Variants in TRPA1 observed in about 807,000 individuals in gnomAD.
TRPA1 encodes the protein ankyrin-like with transmembrane domains 1.
TRPA1 carries 129 observed loss-of-function variants against 131.3 expected under a neutral mutation model. The observed-to-expected ratio is 0.98, with a 90% CI of 0.85 to 1.14. TRPA1 has a LOEUF of 1.14. Among genes scored for constraint, TRPA1 ranks in the 50% most tolerant of loss-of-function variants. The pLI is 0.00. For missense variants in TRPA1, 1,304 were observed against 1,354.2 expected, an observed-to-expected ratio of 0.96 and a Z score of 0.58; for synonymous variants, 441 against 451.7, an observed-to-expected ratio of 0.98 and a Z score of 0.30.
chr8:72,088,197 C>G, the TRPA1 span, among the ~76,000 whole-genome samples: 1 of 152,200 alleles, frequency 6.6e-6, no homozygotes, highest in Non-Finnish European at 1.5e-5. Flanking sequence ...TTCACTCTTC[C>G]CATCACAGCA....
intron 20 of TRPA1, 24 bp from the exon 21 acceptor site, chr8:72,036,481 T>C: frequency 6.2e-7 from 1 of 1,601,258 alleles, no homozygotes; most frequent in Non-Finnish European, 8.6e-7. Flanking sequence ...GAATAAAAAA[T>C]TACCACATAT....
At position 72,038,010 on chromosome 8, in the gene TRPA1, G is replaced by A; in HGVS notation, c.2358C>T (p.Cys786=). The change falls in exon 20 of 27, where the codon TGC becomes TGT. Residue 786 remains cysteine, a synonymous_variant. Transcript: ENST00000262209. ...LVFLSSIFGY[C]KEAGQIFQQK... is the part of the protein sequence containing the mutation. ...GTTGGAAAATTTGCCCCGCTTCTTTGCAATACCCAAATATACTTGATAAAA... is the reference window on the plus strand; with the variant it reads ...GTTGGAAAATTTGCCCCGCTTCTTTACAATACCCAAATATACTTGATAAAA... 6.2e-7 allele frequency: 1 copy of A among 1,601,344 alleles called. No individual in the cohort carries two copies. Among genetic ancestry groups the A allele is most frequent in the Non-Finnish European group, 8.5e-7 (1 of 1,169,626 alleles).
In TRPA1 at chr8:72,055,831, T is replaced by C; in HGVS notation, c.1219A>G (p.Met407Val). 3 of 1,613,154 alleles carry C rather than the reference T, an allele frequency of 1.9e-6. No individual in the cohort carries two copies. Among genetic ancestry groups the C allele is most frequent in the South Asian group, 1.1e-5 (1 of 91,022 alleles). Residue 407 changes from methionine to valine, a missense_variant, in exon 11 of 27, where the codon ATG becomes GTG. By Grantham distance (21) the Met-to-Val change is conservative. Transcript: ENST00000262209. ...GTACACCCATCGTTGTCTTCATCCATTACCAGCTCTTTGATCTGTTGCATC... is the reference window on the plus strand; with the variant it reads ...GTACACCCATCGTTGTCTTCATCCACTACCAGCTCTTTGATCTGTTGCATC... Reference protein sequence around the residue: ...MQMQQIKELVMDEDNDGCTPL... With the variant: ...MQMQQIKELVVDEDNDGCTPL...
intron 17 of TRPA1, among the ~76,000 whole-genome samples, chr8:72,041,866 CA>C (rs1477798841): frequency 6.6e-6 from 1 of 151,010 alleles, no homozygotes; most frequent in African/African-American, 2.4e-5. Flanking sequence ...ATGATTAGAG[CA>C]GAGATAAATG....
At chr8:72,035,069 T>C (rs976070621) in intron 21 of TRPA1, among the ~76,000 whole-genome samples, 1 of 152,190 alleles carries the variant, frequency 6.6e-6, no homozygotes, top group Non-Finnish European at 1.5e-5. Flanking sequence ...ATCCTCACCA[T>C]CTCCTTCGGT....
At chr8:72,057,894 T>G in intron 8 of TRPA1, 78 bp from the exon 9 acceptor site, 3 of 1,043,964 alleles carry the variant, frequency 2.9e-6, no homozygotes, top group Non-Finnish European at 4.4e-6. Context: ...TAACTAATGG[T>G]AATTCATTGA....
At chr8:72,078,787 C>T (rs1806235274), upstream of TRPA1, among the ~76,000 whole-genome samples, 1 of 152,002 alleles carries the variant, frequency 6.6e-6, no homozygotes, top group Admixed American at 6.6e-5. Context: ...AGTGGATTTG[C>T]TGAGTAATGT....
intron 17 of TRPA1, among the ~76,000 whole-genome samples, chr8:72,041,920 A>G (rs1339972509): frequency 6.6e-6 from 1 of 151,884 alleles, no homozygotes; most frequent in Admixed American, 6.6e-5. Context: ...CAATGAAACC[A>G]AGAATTGGTT....
At chr8:72,087,378 T>A in the TRPA1 span, among the ~76,000 whole-genome samples, 4 of 152,160 alleles carry the variant, frequency 2.6e-5, no homozygotes, top group South Asian at 8.3e-4. Flanking sequence ...GAAACTGAAG[T>A]ATGCCGTTGG....
intron 18 of TRPA1, 34 bp downstream of exon 18, chr8:72,039,693 C>G (rs776089325): frequency 7.7e-7 from 1 of 1,297,738 alleles, no homozygotes; most frequent in Non-Finnish European, 1.1e-6. Context: ...CCAATAGACA[C>G]AGCATTAAAC....
At chr8:72,052,448 A>T in intron 14 of TRPA1, 151 bp downstream of exon 14, 1 of 890,494 alleles carries the variant, frequency 1.1e-6, no homozygotes, top group South Asian at 1.6e-5. Context: ...AATAAAAAAT[A>T]AAAAACCTTT....
intron 25 of TRPA1, among the ~76,000 whole-genome samples, chr8:72,025,651 C>T (rs574419309): frequency 3.9e-5 from 6 of 152,218 alleles, no homozygotes; most frequent in Middle Eastern, 6.8e-3. Flanking sequence ...ATAAAGTATA[C>T]CTGTACTGTA....
At position 72,022,765 on chromosome 8, in the gene TRPA1, C is replaced by T. The variant is rs77546732; in HGVS notation, c.*141G>A. On this transcript the variant is annotated 3_prime_UTR_variant, in exon 27 of 27. Transcript: ENST00000262209. ...TGAATAGAGGATAAAAGATGGTTTA[C>T]TTTTATACAGCATGCAGGAACCATG... 2 of 802,454 alleles carry T rather than the reference C, an allele frequency of 2.5e-6. No homozygotes were observed. The highest frequency in any genetic ancestry group is 2.0e-5 in the Admixed American group (1 of 49,718). The allele number at this position is 802,454 out of a possible 1,614,324, so 49.7% of individuals were successfully genotyped here.
chr8:72,057,722 G>T lies in TRPA1; in HGVS notation c.1088C>A (p.Ser363Tyr), dbSNP rs761121092. The change falls in exon 9 of 27, where the codon TCT becomes TAT. Residue 363 changes from serine (S) to tyrosine (Y), a missense_variant. Coordinates refer to ENST00000262209, the MANE Select transcript of TRPA1 (RefSeq NM_007332.3). ...GGCTTGTTCCCTCTTGGTACCTTTA[G>T]AGAGTAGCAAATTTACAATATTCCA... Reference protein sequence around the residue: ...ASWNIVNLLLSKGAQVDIKDN... With the variant: ...ASWNIVNLLLYKGAQVDIKDN... The T allele has an allele frequency of 6.2e-7, 1 of 1,612,820 alleles. No homozygotes were observed. Among genetic ancestry groups the T allele is most frequent in the East Asian group, 2.2e-5 (1 of 44,854 alleles).
At chr8:72,025,297 C>T (rs1036911150) in intron 25 of TRPA1, among the ~76,000 whole-genome samples, 3 of 152,064 alleles carry the variant, frequency 2.0e-5, no homozygotes, top group African/African-American at 4.8e-5. Flanking sequence ...CTCATGAGAT[C>T]CGGTGGTTTT....
rs1261491838 is a variant in TRPA1, at chr8:72,053,365, G to A, written c.1644+388C>T. ...ATTTCAAAAGTTACTCTCCCCAAAGGAAGGAAAGACATAATAGCACAATAA... is the reference window on the plus strand; with the variant it reads ...ATTTCAAAAGTTACTCTCCCCAAAGAAAGGAAAGACATAATAGCACAATAA... On this transcript the variant is annotated intron_variant, in intron 13 of 26. Transcript: ENST00000262209. The A allele has an allele frequency of 1.5e-5, 4 of 269,660 alleles. No homozygotes were observed. The East Asian group carries it at 3.7e-4, about 25-fold the overall frequency. The allele number at this position is 269,660 out of a possible 1,614,324, so 16.7% of individuals were successfully genotyped here. A position where few individuals can be genotyped will look rare whatever the true frequency, so the allele number is the denominator to read the frequency against.
At chr8:72,066,031 A>G (rs1397563669) in intron 3 of TRPA1, among the ~76,000 whole-genome samples, 1 of 152,106 alleles carries the variant, frequency 6.6e-6, no homozygotes, top group Non-Finnish European at 1.5e-5. Flanking sequence ...TTTCTCCTCC[A>G]GTTATTTTTC....
Position 72,022,777 on chromosome 8 carries a change from A to G in TRPA1, c.*129T>C. ...AAAAGATGGTTTACTTTTATACAGC[A>G]TGCAGGAACCATGATTTCACACGCA... On this transcript the variant is annotated 3_prime_UTR_variant, in exon 27 of 27. Transcript: ENST00000262209. The G allele has an allele frequency of 1.2e-6, 1 of 853,426 alleles. No homozygotes were observed. The highest frequency in any genetic ancestry group is 1.9e-6 in the Non-Finnish European group (1 of 518,840). The allele number at this position is 853,426 out of a possible 1,614,324, so 52.9% of individuals were successfully genotyped here. A position where few individuals can be genotyped will look rare whatever the true frequency, so the allele number is the denominator to read the frequency against.
intron 6 of TRPA1, 62 bp downstream of exon 6, chr8:72,062,737 A>C: frequency 6.6e-7 from 1 of 1,512,858 alleles, no homozygotes; most frequent in Non-Finnish European, 9.2e-7. Flanking sequence ...AGAGCTATAA[A>C]GCATTTTATA....
Sources: allele counts gnomAD v4.1 joint callset (sites outside exome capture counted in the v4.1 genomes callset), GRCh38; gene constraint gnomAD v4.1.1; transcripts MANE v1.5; gene names NCBI Gene and HGNC (gene_info 2026-07-23, HGNC 2026-07-21).